Variants in CDH18 observed in about 807,000 individuals in gnomAD.
The protein encoded by CDH18 is cadherin-18.
Under a neutral mutation model 67.9 loss-of-function variants are expected in CDH18, and 31 were observed. The observed-to-expected ratio is 0.46, with a 90% CI of 0.34 to 0.62. CDH18 has a LOEUF of 0.62. CDH18 is among the 20% of genes least tolerant of loss of function. The pLI is 0.01. For synonymous variants in CDH18, 362 were observed against 347.2 expected (o/e 1.04, Z -0.48); for missense variants, 890 against 975.5 (o/e 0.91, Z 1.17).
intron 2 of CDH18, among the ~76,000 whole-genome samples, chr5:20,084,391 C>A (rs1427668866): frequency 1.3e-5 from 2 of 152,186 alleles, no homozygotes; most frequent in Non-Finnish European, 1.5e-5. Flanking sequence ...CAGGGTACAG[C>A]CTCTCTCCTG....
chr5:20,361,294 A>G (rs893870584), intron 1 of CDH18, among the ~76,000 whole-genome samples: 5 of 152,002 alleles, frequency 3.3e-5, no homozygotes, highest in African/African-American at 1.2e-4. Flanking sequence ...TGCCAAACTA[A>G]TAACTGAAAA....
At position 20,517,240 on chromosome 5, in the gene CDH18, G is replaced by A. The variant is rs1755434206; in HGVS notation, c.-580+58222C>T. Among the ~76,000 whole-genome samples the A allele has an allele frequency of 2.0e-5, 3 of 151,454 alleles. 1 individual carries two copies. Among genetic ancestry groups the A allele is most frequent in the South Asian group, 4.2e-4 (2 of 4,804 alleles). ...TACTAAATTTTAAATCATGAATAGAGAGAAAATATAATACTTGAAAAATTA... is the reference window on the plus strand; with the variant it reads ...TACTAAATTTTAAATCATGAATAGAAAGAAAATATAATACTTGAAAAATTA... On this transcript the variant is annotated intron_variant, in intron 1 of 14. Transcript: ENST00000507958.
chr5:19,799,089 C>T (rs907987324), intron 3 of CDH18, among the ~76,000 whole-genome samples: 1 of 151,924 alleles, frequency 6.6e-6, no homozygotes, highest in African/African-American at 2.4e-5. Flanking sequence ...GCTGATGTCA[C>T]CATTAGCAAC....
chr5:19,594,038 T>A (rs1358018654), intron 6 of CDH18, among the ~76,000 whole-genome samples: 1 of 152,066 alleles, frequency 6.6e-6, no homozygotes, highest in African/African-American at 2.4e-5. Context: ...AGTTTCAGAT[T>A]TTATGTTTAA....
At chr5:20,249,347 T>G (rs1201356032) in intron 2 of CDH18, among the ~76,000 whole-genome samples, 1 of 151,964 alleles carries the variant, frequency 6.6e-6, no homozygotes, top group Non-Finnish European at 1.5e-5. Context: ...GGGAAAGTCT[T>G]TTAAATTATG....
At chr5:20,036,891 CT>C (rs1739912169) in intron 2 of CDH18, among the ~76,000 whole-genome samples, 1 of 151,852 alleles carries the variant, frequency 6.6e-6, no homozygotes, top group South Asian at 2.1e-4. Context: ...CTTTTTTGAT[CT>C]TTGTGGGTCT....
chr5:19,557,995 T>C (rs1738745049), intron 8 of CDH18, among the ~76,000 whole-genome samples: 2 of 151,916 alleles, frequency 1.3e-5, no homozygotes, highest in South Asian at 4.1e-4. Context: ...AAATGAACCC[T>C]CAAAACCATG....
chr5:19,962,395 A>AAAAAAAAAAAAAAAAAAAT (rs58319680), intron 2 of CDH18, among the ~76,000 whole-genome samples: 16 of 117,058 alleles, frequency 1.4e-4, no homozygotes, highest in Non-Finnish European at 1.9e-4. Flanking sequence ...AAAAAAAAAA[A>AAAAAAAAAAAAAAAAAAAT]AGAAAATTCA....
chr5:20,491,121 G>A (rs1413829425), intron 1 of CDH18, among the ~76,000 whole-genome samples: 1 of 151,522 alleles, frequency 6.6e-6, no homozygotes, highest in African/African-American at 2.4e-5. Flanking sequence ...TTACAAATTA[G>A]CATCCTACAA....
intron 2 of CDH18, among the ~76,000 whole-genome samples, chr5:20,247,562 G>A (rs1470342725): frequency 1.3e-5 from 2 of 151,942 alleles, no homozygotes; most frequent in Non-Finnish European, 2.9e-5. Flanking sequence ...TCAAGAGATC[G>A]AGACCATCCT....
intron 2 of CDH18, among the ~76,000 whole-genome samples, chr5:20,187,612 T>C (rs1283220481): frequency 2.6e-5 from 4 of 151,960 alleles, no homozygotes; most frequent in Admixed American, 2.6e-4. Context: ...TTTAAAGCGA[T>C]ACAAGAAGCA....
chr5:20,158,185 T>C (rs1012555552), intron 2 of CDH18, among the ~76,000 whole-genome samples: 2 of 152,150 alleles, frequency 1.3e-5, no homozygotes, highest in African/African-American at 4.8e-5. Context: ...CATGTTGGAG[T>C]TGATTTCTAT....
chr5:19,967,228 T>C (rs997307361), intron 2 of CDH18, among the ~76,000 whole-genome samples: 9 of 151,984 alleles, frequency 5.9e-5, no homozygotes, highest in African/African-American at 2.2e-4. Flanking sequence ...ATCTAAAGGA[T>C]ACATTAATTA....
chr5:19,982,479 T>C (rs1799154243), intron 1 of CDH18, among the ~76,000 whole-genome samples: 1 of 152,270 alleles, frequency 6.6e-6, no homozygotes, highest in Admixed American at 6.5e-5. Context: ...TTATATTTAA[T>C]TGCCATACAT....
intron 2 of CDH18, among the ~76,000 whole-genome samples, chr5:20,072,972 T>A (rs183418575): frequency 8.5e-5 from 13 of 152,112 alleles, no homozygotes; most frequent in Admixed American, 7.9e-4. Context: ...ATGTTTACAT[T>A]TTGTTAATAT....
chr5:20,260,961 T>C (rs999298673), intron 1 of CDH18, among the ~76,000 whole-genome samples: 1 of 152,162 alleles, frequency 6.6e-6, no homozygotes, highest in Non-Finnish European at 1.5e-5. Context: ...GGTTTAGCCT[T>C]GTGATAGCCA....
intron 2 of CDH18, among the ~76,000 whole-genome samples, chr5:20,064,668 A>G (rs1742810986): frequency 6.6e-6 from 1 of 152,050 alleles, no homozygotes; most frequent in Admixed American, 6.6e-5. Context: ...CAGAAGGTTT[A>G]TAGATATGTG....
At chr5:19,601,373 CT>C (rs1294973078) in intron 6 of CDH18, among the ~76,000 whole-genome samples, 3 of 152,202 alleles carry the variant, frequency 2.0e-5, no homozygotes, top group Non-Finnish European at 2.9e-5. Flanking sequence ...TGAATATATT[CT>C]TTTAAATATG....
chr5:19,831,306 A>T (rs1780997796), intron 3 of CDH18, among the ~76,000 whole-genome samples: 1 of 152,204 alleles, frequency 6.6e-6, no homozygotes, highest in South Asian at 2.1e-4. Context: ...GCACAACAAA[A>T]GAAACTATCA....
Sources: gnomAD v4.1 joint callset for allele counts (sites outside exome capture counted in the v4.1 genomes callset) on GRCh38, gnomAD v4.1.1 for gene constraint, MANE v1.5 for transcripts, NCBI Gene and HGNC (gene_info 2026-07-23, HGNC 2026-07-21) for gene names.